The following GMPR variants were observed in gnomAD, a reference collection of about 807,000 sequenced individuals.
GMPR encodes guanosine monophosphate reductase.
GMPR carries 31 observed loss-of-function variants against 38.4 expected under a neutral mutation model. The ratio of observed to expected loss-of-function variants is 0.81; its 90% CI spans 0.61 to 1.09. The LOEUF (loss-of-function observed/expected upper bound fraction) is 1.09, where lower values mean the gene tolerates loss of function less well. GMPR is among the 50% of genes least tolerant of loss of function. The pLI, the probability that GMPR is intolerant of heterozygous loss-of-function variation, is 0.00. For synonymous variants in GMPR, 162 were observed against 173.3 expected, an observed-to-expected ratio of 0.93 and a Z score of 0.51; for missense variants, 468 against 453.7, an observed-to-expected ratio of 1.03 and a Z score of -0.29.
rs908002066 is a variant in GMPR at position 16,294,689 on chromosome 6, T to C, written c.858-317T>C. 2.6e-5 allele frequency among the ~76,000 whole-genome samples: 4 copies of C among 152,200 alleles called. No individual in the cohort carries two copies. The East Asian group carries it at 7.7e-4, about 29-fold the overall frequency. On this transcript the variant is annotated intron_variant, in intron 8 of 8. Coordinates refer to ENST00000259727, the MANE Select transcript of GMPR (RefSeq NM_006877.4). ...TTAGCAGCAGAGGGGAGCACGTTGC[T>C]GGAGAGAATGGCACCAAGCAGGGTG...
chr6:16,254,539 C>G, intron 3 of GMPR, 23 bp from the exon 4 acceptor site: 3 of 1,608,142 alleles, frequency 1.9e-6, no homozygotes, highest in Non-Finnish European at 2.6e-6. Flanking sequence ...TTATGCCTGT[C>G]TTCTTGGTTT....
intron 1 of GMPR, among the ~76,000 whole-genome samples, chr6:16,239,621 C>T (rs1448474629): frequency 6.6e-6 from 1 of 152,214 alleles, no homozygotes; most frequent in East Asian, 1.9e-4. Context: ...AAACCGGACA[C>T]GGTTGAAGGC....
At chr6:16,292,703 G>A (rs1451979489) in intron 8 of GMPR, among the ~76,000 whole-genome samples, 1 of 152,180 alleles carries the variant, frequency 6.6e-6, no homozygotes, top group African/African-American at 2.4e-5. Context: ...CAGCAGCTAG[G>A]TGCTTTGCCT....
chr6:16,294,911 G>A, intron 8 of GMPR, 95 bp from the exon 9 acceptor site: 1 of 956,610 alleles, frequency 1.0e-6, no homozygotes, highest in Non-Finnish European at 1.6e-6. Context: ...GTGCCTTGGG[G>A]GCTACAGAAA....
intron 1 of GMPR, among the ~76,000 whole-genome samples, chr6:16,243,017 CTAAG>C (rs1207595366): frequency 1.3e-5 from 2 of 151,934 alleles, no homozygotes; most frequent in Admixed American, 6.6e-5. Context: ...ACTCTGTTAA[CTAAG>C]TAAGGTCACA....
rs564614229 is a variant in GMPR at position 16,255,909 on chromosome 6, G to A, written c.465+1174G>A. Among the ~76,000 whole-genome samples the A allele has an allele frequency of 7.9e-5, 12 of 152,250 alleles. 2 individuals carry two copies. The South Asian group carries it at 2.5e-3, about 32-fold the overall frequency. ...GATTTTTATGTTTTTCAAACACATA[G>A]GAAGAAAGGATCAAGAATTGTTCCA... On this transcript the variant is annotated intron_variant, in intron 4 of 8. Coordinates refer to ENST00000259727, the MANE Select transcript of GMPR (RefSeq NM_006877.4).
intron 4 of GMPR, 66 bp from the exon 5 acceptor site, chr6:16,274,348 TG>T: frequency 2.1e-6 from 2 of 972,806 alleles, no homozygotes; most frequent in Non-Finnish European, 3.3e-6. Context: ...TGTTCAGGTG[TG>T]GGGTTCCTCA....
intron 6 of GMPR, among the ~76,000 whole-genome samples, chr6:16,280,909 A>G (rs969428871): frequency 6.6e-6 from 1 of 152,150 alleles, no homozygotes; most frequent in South Asian, 2.1e-4. Flanking sequence ...ATAAAGTTTT[A>G]CTCTGAACAT....
At chr6:16,289,214 A>G (rs1759771503) in intron 7 of GMPR, among the ~76,000 whole-genome samples, 1 of 152,166 alleles carries the variant, frequency 6.6e-6, no homozygotes. Context: ...CCAGAAGGAA[A>G]AAGCCTCAGC....
At position 16,290,591 on chromosome 6, in the gene GMPR, ACAAG is replaced by A; in HGVS notation, c.830_833del (p.Lys277ThrfsTer35). ...GGGATGAGCTCTGACACCGCCATGAACAAGCACGCAGGAGGAGTTGCTGAGTACA... is the reference window on the plus strand; with the variant it reads ...GGGATGAGCTCTGACACCGCCATGAACACGCAGGAGGAGTTGCTGAGTACA... On this transcript the variant is annotated frameshift_variant, in exon 8 of 9. Coordinates refer to ENST00000259727, the MANE Select transcript of GMPR (RefSeq NM_006877.4). LOFTEE classifies it high-confidence loss of function. 6.2e-7 allele frequency: 1 copy of A among 1,614,182 alleles called. No individual in the cohort carries two copies. Among genetic ancestry groups the A allele is most frequent in the Non-Finnish European group, 8.5e-7 (1 of 1,180,036 alleles).
chr6:16,286,831 G>A (rs1458168308), intron 7 of GMPR, among the ~76,000 whole-genome samples: 8 of 151,950 alleles, frequency 5.3e-5, no homozygotes, highest in South Asian at 2.1e-4. Flanking sequence ...GCTTGAACCC[G>A]GGAGCCAGAA....
chr6:16,266,067 A>C (rs999773317), intron 4 of GMPR, among the ~76,000 whole-genome samples: 1 of 151,826 alleles, frequency 6.6e-6, no homozygotes, highest in Non-Finnish European at 1.5e-5. Context: ...GGGAGGAATG[A>C]ACAACTCCCG....
chr6:16,285,806 C>A lies in GMPR; in HGVS notation c.668C>A (p.Thr223Lys), dbSNP rs768978971. ...TCCTCTGTGAAGGATGGAGGCTGTA[C>A]GTGTCCAGGGGATGTCGCCAAAGCC... ...KGHIISDGGC[T>K]CPGDVAKAFG... Residue 223 changes from threonine to lysine, a missense_variant, in exon 7 of 9, where the codon ACG becomes AAG. By Grantham distance (78) the Thr-to-Lys change is moderately conservative (BLOSUM62 -1). Coordinates refer to ENST00000259727, the MANE Select transcript of GMPR (RefSeq NM_006877.4). 6 of 1,613,082 alleles carry A rather than the reference C, an allele frequency of 3.7e-6. No individual in the cohort carries two copies. Among genetic ancestry groups the A allele is most frequent in the Non-Finnish European group, 5.1e-6 (6 of 1,179,488 alleles).
intron 4 of GMPR, among the ~76,000 whole-genome samples, chr6:16,263,625 A>G (rs9477072): frequency 3.3e-5 from 5 of 150,768 alleles, no homozygotes; most frequent in African/African-American, 1.2e-4. Context: ...CAGAGATAAG[A>G]GGTCGGGGCA....
At chr6:16,287,907 A>G (rs1029228153) in intron 7 of GMPR, among the ~76,000 whole-genome samples, 1 of 152,162 alleles carries the variant, frequency 6.6e-6, no homozygotes, top group Admixed American at 6.5e-5. Flanking sequence ...TGTTTAAATG[A>G]CCAAATTGAA....
At chr6:16,265,067 T>A (rs1244930173) in intron 4 of GMPR, among the ~76,000 whole-genome samples, 5 of 152,184 alleles carry the variant, frequency 3.3e-5, no homozygotes, top group Non-Finnish European at 7.3e-5. Flanking sequence ...TGTTCTCGGG[T>A]ACATTCTCAG....
At chr6:16,281,425 A>G (rs555564534) in intron 6 of GMPR, among the ~76,000 whole-genome samples, 28 of 152,188 alleles carry the variant, frequency 1.8e-4, no homozygotes, top group Non-Finnish European at 3.4e-4. Flanking sequence ...GCACTGGTGC[A>G]ATAGGAAGGT....
chr6:16,244,574 G>A (rs934479103), intron 1 of GMPR, among the ~76,000 whole-genome samples: 1 of 152,220 alleles, frequency 6.6e-6, no homozygotes, highest in African/African-American at 2.4e-5. Flanking sequence ...AGGCCTGTTA[G>A]AGAGCAGCAG....
At chr6:16,260,019 G>C (rs1561823504) in intron 4 of GMPR, among the ~76,000 whole-genome samples, 1 of 152,134 alleles carries the variant, frequency 6.6e-6, no homozygotes, top group South Asian at 2.1e-4. Flanking sequence ...CACAGTCTAA[G>C]TTGGTCTGGT....
Sources: allele counts gnomAD v4.1 joint callset (sites outside exome capture counted in the v4.1 genomes callset), GRCh38; gene constraint gnomAD v4.1.1; transcripts MANE v1.5; gene names NCBI Gene and HGNC (gene_info 2026-07-23, HGNC 2026-07-21).